SLC7A1: variants seen among roughly 807,000 people sequenced by gnomAD.
The protein encoded by SLC7A1 is high affinity cationic amino acid transporter 1.
SLC7A1 carries 10 observed loss-of-function variants against 53.9 expected under a neutral mutation model. The ratio of observed to expected loss-of-function variants is 0.19; its 90% CI spans 0.11 to 0.31. The LOEUF is 0.31. Among genes scored for constraint, SLC7A1 ranks in the 10% least tolerant of loss-of-function variants. SLC7A1 has a pLI of 1.00. For synonymous variants in SLC7A1, 342 were observed against 338.7 expected (o/e 1.01, Z -0.11); for missense variants, 525 against 827.2 (o/e 0.63, Z 4.48).
chr13:29,530,739 TTGTC>T (rs775270098), intron 4 of SLC7A1, 27 bp from the exon 5 acceptor site: 71 of 1,603,744 alleles, frequency 4.4e-5, no homozygotes, highest in Non-Finnish European at 5.3e-5. Flanking sequence ...ACACAAAACT[TTGTC>T]TGAGTGTTAA....
intron 2 of SLC7A1, among the ~76,000 whole-genome samples, chr13:29,542,636 T>A (rs1303728854): frequency 6.8e-6 from 1 of 147,506 alleles, no homozygotes; most frequent in Non-Finnish European, 1.5e-5. Context: ...TGAACCGTGA[T>A]CACACACCGC....
In SLC7A1 at chr13:29,517,759, G is replaced by C; in HGVS notation, c.1324C>G (p.Gln442Glu). The change falls in exon 10 of 13, where the codon CAG (glutamine) becomes GAG (glutamate). Residue 442 changes from glutamine to glutamate, a missense_variant. Transcript: ENST00000380752. Reference sequence around the variant, plus strand: ...AACTCGTCGGAAGTACTGGCCATCTGGTATACCAGGTTAGGCTGCTCTGGC... The same window carrying C: ...AACTCGTCGGAAGTACTGGCCATCTCGTATACCAGGTTAGGCTGCTCTGGC... ...YQPEQPNLVY[Q>E]MASTSDELDP... is the part of the protein sequence containing the mutation. 1 of 1,614,146 alleles carries C rather than the reference G, an allele frequency of 6.2e-7. No homozygotes were observed. Among genetic ancestry groups the C allele is most frequent in the Non-Finnish European group, 8.5e-7 (1 of 1,180,024 alleles).
chr13:29,525,562 G>C (rs1868846296), intron 5 of SLC7A1, among the ~76,000 whole-genome samples: 1 of 152,212 alleles, frequency 6.6e-6, no homozygotes, highest in Non-Finnish European at 1.5e-5. Flanking sequence ...CAGACAGACA[G>C]GATGGACCCA....
intron 2 of SLC7A1, among the ~76,000 whole-genome samples, chr13:29,544,502 T>G (rs577884870): frequency 1.3e-5 from 2 of 152,314 alleles, no homozygotes; most frequent in African/African-American, 4.8e-5. Context: ...GGCAATACTT[T>G]GCATTCTAGA....
intron 3 of SLC7A1, among the ~76,000 whole-genome samples, chr13:29,533,495 A>T (rs952199703): frequency 6.6e-6 from 1 of 152,170 alleles, no homozygotes; most frequent in Non-Finnish European, 1.5e-5. Flanking sequence ...TCTCTCAGCA[A>T]GAAGAGGGGC....
chr13:29,556,991 C>G (rs1177918958), intron 1 of SLC7A1, among the ~76,000 whole-genome samples: 1 of 152,190 alleles, frequency 6.6e-6, no homozygotes. Context: ...GAAAGGCATG[C>G]CATATGTTAA....
At chr13:29,584,464 T>G (rs1428389669) in intron 1 of SLC7A1, among the ~76,000 whole-genome samples, 1 of 152,204 alleles carries the variant, frequency 6.6e-6, no homozygotes, top group Non-Finnish European at 1.5e-5. Context: ...GTAACTTCTA[T>G]ATGAATTTTT....
Position 29,589,314 on chromosome 13 carries a change from C to A in SLC7A1, c.-115+6102G>T, listed in dbSNP as rs533469373. ...CACAAGACCCCCTGCAAAGGGGTCTCCCCAGGTGGAGATGGAGGTGGAGTG... is the reference window on the plus strand; with the variant it reads ...CACAAGACCCCCTGCAAAGGGGTCTACCCAGGTGGAGATGGAGGTGGAGTG... On this transcript the variant is annotated intron_variant, in intron 1 of 12. Coordinates refer to ENST00000380752, the MANE Select transcript of SLC7A1 (RefSeq NM_003045.5). Among the ~76,000 whole-genome samples the A allele has an allele frequency of 3.9e-5, 6 of 152,372 alleles. No individual in the cohort carries two copies. The South Asian group carries it at 1.2e-3, about 32-fold the overall frequency.
At chr13:29,521,408 T>C (rs1038319204) in intron 8 of SLC7A1, among the ~76,000 whole-genome samples, 1 of 152,226 alleles carries the variant, frequency 6.6e-6, no homozygotes, top group Non-Finnish European at 1.5e-5. Flanking sequence ...CCCACTGCTC[T>C]GCTCAGACTC....
chr13:29,570,138 A>G (rs1474592980), intron 1 of SLC7A1, among the ~76,000 whole-genome samples: 4 of 152,222 alleles, frequency 2.6e-5, no homozygotes, highest in Admixed American at 6.5e-5. Flanking sequence ...AAGCTCATTC[A>G]CATGTTCCTC....
intron 1 of SLC7A1, among the ~76,000 whole-genome samples, chr13:29,561,259 C>T (rs1454288840): frequency 6.6e-6 from 1 of 152,214 alleles, no homozygotes; most frequent in Non-Finnish European, 1.5e-5. Context: ...TGAACCCCAA[C>T]TATACACACA....
intron 1 of SLC7A1, among the ~76,000 whole-genome samples, chr13:29,565,309 AC>A (rs1442183560): frequency 6.6e-6 from 1 of 152,202 alleles, no homozygotes; most frequent in Non-Finnish European, 1.5e-5. Context: ...CAATACAAAT[AC>A]AATACAGCAG....
At chr13:29,522,576 G>C in intron 7 of SLC7A1, 120 bp from the exon 8 acceptor site, 1 of 1,030,258 alleles carries the variant, frequency 9.7e-7, no homozygotes, top group African/African-American at 1.6e-5. Context: ...AAGAGCTGCC[G>C]TCCCTCCACG....
intron 5 of SLC7A1, among the ~76,000 whole-genome samples, chr13:29,528,358 C>T (rs1001433718): frequency 1.3e-5 from 2 of 152,168 alleles, no homozygotes; most frequent in African/African-American, 4.8e-5. Flanking sequence ...GTCAAAGGCA[C>T]GAAGAGCCAT....
chr13:29,570,279 A>C (rs1348814520), intron 1 of SLC7A1, among the ~76,000 whole-genome samples: 1 of 152,230 alleles, frequency 6.6e-6, no homozygotes, highest in Non-Finnish European at 1.5e-5. Context: ...AGCAGTTTGC[A>C]TCAAGCAACG....
At chr13:29,570,506 G>A (rs1566273181) in intron 1 of SLC7A1, among the ~76,000 whole-genome samples, 1 of 152,142 alleles carries the variant, frequency 6.6e-6, no homozygotes. Context: ...TGAGGCTCAA[G>A]AGACAGTGAG....
intron 1 of SLC7A1, among the ~76,000 whole-genome samples, chr13:29,578,529 A>G (rs1235124477): frequency 6.6e-6 from 1 of 152,156 alleles, no homozygotes; most frequent in Non-Finnish European, 1.5e-5. Context: ...CCGAGTGTCC[A>G]CCGTCTGTCC....
chr13:29,529,165 T>C (rs563389855), intron 5 of SLC7A1, among the ~76,000 whole-genome samples: 18 of 152,336 alleles, frequency 1.2e-4, no homozygotes, highest in Admixed American at 3.9e-4. Context: ...GCCTCAGTTC[T>C]CCATAACAGA....
In SLC7A1 at chr13:29,579,845, G is replaced by A. The variant is rs114313405; in HGVS notation, c.-115+15571C>T. ...TTACAAGAGCCATTCTGCTCCTTCT[G>A]GTCGAACCGGTGCCCTGCTCCATGT... On this transcript the variant is annotated intron_variant, in intron 1 of 12. Coordinates refer to ENST00000380752, the MANE Select transcript of SLC7A1 (RefSeq NM_003045.5). 2.9e-3 allele frequency among the ~76,000 whole-genome samples: 437 copies of A among 152,268 alleles called. 3 individuals are homozygous for A. Among genetic ancestry groups the A allele is most frequent in the African/African-American group, 1.0e-2 (414 of 41,548 alleles).
Sources: gnomAD v4.1 joint callset for allele counts (sites outside exome capture counted in the v4.1 genomes callset) on GRCh38, gnomAD v4.1.1 for gene constraint, MANE v1.5 for transcripts, NCBI Gene and HGNC (gene_info 2026-07-23, HGNC 2026-07-21) for gene names.